Variants in OR5H6 observed in about 807,000 individuals in gnomAD.
The protein encoded by OR5H6 is olfactory receptor family 5 subfamily H member 6.
For missense variants in OR5H6, 429 were observed against 358.1 expected (o/e 1.20, Z -1.60); for synonymous variants, 151 against 127.7 (o/e 1.18, Z -1.23).
chr3:98,264,445 C>A lies in OR5H6; in HGVS notation c.113C>A (p.Thr38Asn). ...FLAFLVIYLI[T>N]IMGNLGLIVL... ...GCATTCTTGGTAATATATCTCATCA[C>A]CATCATGGGGAATCTTGGTCTAATT... Residue 38 changes from threonine (T) to asparagine (N), a missense_variant, in exon 1 of 1, where the codon ACC (threonine) becomes AAC (asparagine). Coordinates refer to ENST00000615035, the MANE Select transcript of OR5H6 (RefSeq NM_001005479.2). 6.2e-7 allele frequency: 1 copy of A among 1,612,380 alleles called. No individual in the cohort carries two copies. Among genetic ancestry groups the A allele is most frequent in the South Asian group, 1.1e-5 (1 of 91,030 alleles).
rs146933915 is a variant in OR5H6, at chr3:98,265,070, A to T, written c.738A>T (p.Leu246Phe). 1.0e-4 allele frequency: 165 copies of T among 1,612,794 alleles called. No homozygotes were observed. The African/African-American group carries it at 2.1e-3, about 21-fold the overall frequency. Residue 246 changes from leucine to phenylalanine, a missense_variant, in exon 1 of 1, where the codon TTA (leucine) becomes TTT (phenylalanine). Coordinates refer to ENST00000615035, the MANE Select transcript of OR5H6 (RefSeq NM_001005479.2). ...KAVSTCGAHLLSVSLYYGPLT... is the reference protein window; with the variant it reads ...KAVSTCGAHLFSVSLYYGPLT... ...TCTCCACCTGTGGGGCTCATCTCTT[A>T]TCTGTATCTTTATACTATGGCCCCC...
rs1705854144 is a variant in OR5H6, at chr3:98,264,593, T to C, written c.261T>C (p.Ala87=). The part of the protein sequence containing the change: ...VTPKMLINFL[A]KSKMISLSEC... Reference sequence around the variant, plus strand: ...CGAAGATGCTGATCAACTTCTTAGCTAAGAGTAAGATGATATCTCTCTCTG... The same window carrying C: ...CGAAGATGCTGATCAACTTCTTAGCCAAGAGTAAGATGATATCTCTCTCTG... The change falls in exon 1 of 1, where the codon GCT becomes GCC. Residue 87 remains alanine (A), a synonymous_variant. Coordinates refer to ENST00000615035, the MANE Select transcript of OR5H6 (RefSeq NM_001005479.2). 6.2e-7 allele frequency: 1 copy of C among 1,612,578 alleles called. No homozygotes were observed. Among genetic ancestry groups the C allele is most frequent in the Non-Finnish European group, 8.5e-7 (1 of 1,178,816 alleles).
At position 98,264,777 on chromosome 3, in the gene OR5H6, T is replaced by C; in HGVS notation, c.445T>C (p.Phe149Leu). Residue 149 changes from phenylalanine to leucine, a missense_variant, in exon 1 of 1, where the codon TTT becomes CTT. Physicochemically the swap from Phe to Leu is conservative, Grantham distance 22 (BLOSUM62 0). Coordinates refer to ENST00000615035, the MANE Select transcript of OR5H6 (RefSeq NM_001005479.2). ...ELCIQLLVLSFIGGLLHALIH... is the reference protein window; with the variant it reads ...ELCIQLLVLSLIGGLLHALIH... ...ATGCATTCAGCTATTAGTCTTGTCA[T>C]TTATAGGTGGCCTTCTTCATGCTTT... 6.2e-7 allele frequency: 1 copy of C among 1,612,842 alleles called. No homozygotes were observed. Among genetic ancestry groups the C allele is most frequent in the Non-Finnish European group, 8.5e-7 (1 of 1,179,300 alleles).
chr3:98,264,281 G>A lies in OR5H6; in HGVS notation c.-52G>A. On this transcript the variant is annotated 5_prime_UTR_variant, in exon 1 of 1. Coordinates refer to ENST00000615035, the MANE Select transcript of OR5H6 (RefSeq NM_001005479.2). The stretch of plus-strand genomic sequence containing the variant: ...CCCAATTTCAACTCACAATTCCATT[G>A]CAAATGTTCCTTTACCTTTGCTTCA... The A allele has an allele frequency of 6.2e-7, 1 of 1,603,160 alleles. No individual in the cohort carries two copies. The highest frequency in any genetic ancestry group is 8.5e-7 in the Non-Finnish European group (1 of 1,174,028).
Position 98,264,499 on chromosome 3 carries a change from A to C in OR5H6, c.167A>C (p.His56Pro), listed in dbSNP as rs778286344. ...CTCATCTGGAAAGACCCTCACCTTC[A>C]TATCCCAATGTACTTATTCCTTGGG... ...IVLIWKDPHL[H>P]IPMYLFLGSL... Residue 56 changes from histidine (H) to proline (P), a missense_variant, in exon 1 of 1, where the codon CAT (histidine) becomes CCT (proline). His to Pro is a moderately conservative substitution (Grantham distance 77). Coordinates refer to ENST00000615035, the MANE Select transcript of OR5H6 (RefSeq NM_001005479.2). 1 of 1,612,756 alleles carries C rather than the reference A, an allele frequency of 6.2e-7. No individual in the cohort carries two copies. The highest frequency in any genetic ancestry group is 8.5e-7 in the Non-Finnish European group (1 of 1,178,936).
chr3:98,265,112 G>A lies in OR5H6; in HGVS notation c.780G>A (p.Leu260=), dbSNP rs748325053. The change falls in exon 1 of 1, where the codon CTG becomes CTA. Residue 260 remains leucine, a synonymous_variant. Coordinates refer to ENST00000615035, the MANE Select transcript of OR5H6 (RefSeq NM_001005479.2). The stretch of plus-strand genomic sequence containing the variant: ...ATGGCCCCCTCACCTTCAAATATCT[G>A]GGCTCTGCATCTCCGCAAGCAGATG... ...LYYGPLTFKY[L]GSASPQADDQ... is the part of the protein sequence containing the mutation. 6.2e-7 allele frequency: 1 copy of A among 1,612,928 alleles called. No homozygotes were observed. The highest frequency in any genetic ancestry group is 8.5e-7 in the Non-Finnish European group (1 of 1,179,420).
chr3:98,265,018 A>G lies in OR5H6; in HGVS notation c.686A>G (p.Lys229Arg), dbSNP rs1337021039. ...TIILFTILEKKSIKGIRKAVS... is the reference protein window; with the variant it reads ...TIILFTILEKRSIKGIRKAVS... ...ATCCTCTTTACAATCTTAGAAAAGA[A>G]GTCTATCAAAGGGATACGAAAAGCT... Residue 229 changes from lysine to arginine, a missense_variant, in exon 1 of 1, where the codon AAG (lysine) becomes AGG (arginine). By Grantham distance (26) the Lys-to-Arg change is conservative. Transcript: ENST00000615035. The G allele has an allele frequency of 1.2e-6, 2 of 1,612,890 alleles. No homozygotes were observed. The highest frequency in any genetic ancestry group is 4.5e-5 in the East Asian group (2 of 44,854).
chr3:98,265,308 T>C lies in OR5H6; in HGVS notation c.*46T>C. ...TCTATTTACTAAAATTGTCCCAAGA[T>C]TGTGCAAGTTAGAGGTGTCTATGTC... On this transcript the variant is annotated 3_prime_UTR_variant, in exon 1 of 1. Transcript: ENST00000615035. The C allele has an allele frequency of 1.3e-6, 2 of 1,522,464 alleles. No homozygotes were observed. Among genetic ancestry groups the C allele is most frequent in the Non-Finnish European group, 1.8e-6 (2 of 1,138,872 alleles). 94.3% of individuals were successfully genotyped at this position (1,522,464 alleles called of 1,614,324 possible).
rs780591143 is a variant in OR5H6 at position 98,264,353 on chromosome 3, A to C, written c.21A>C (p.Thr7=). The change falls in exon 1 of 1, where the codon ACA becomes ACC. Residue 7 remains threonine (T), a synonymous_variant. Coordinates refer to ENST00000615035, the MANE Select transcript of OR5H6 (RefSeq NM_001005479.2). ...AGGAGATGGAAGAGGAAAATGCAAC[A>C]TTGCTGACAGAGTTTGTTCTCACAG... is the stretch of plus-strand genomic sequence containing the variant. MEEENA[T]LLTEFVLTGF... is the part of the protein sequence containing the mutation. 4 of 1,613,158 alleles carry C rather than the reference A, an allele frequency of 2.5e-6. No individual in the cohort carries two copies. In the East Asian group the frequency reaches 8.9e-5, roughly 36 times the overall value.
In OR5H6 at chr3:98,265,284, C is replaced by T; in HGVS notation, c.*22C>T. 6.5e-7 allele frequency: 1 copy of T among 1,535,214 alleles called. No individual in the cohort carries two copies. On this transcript the variant is annotated 3_prime_UTR_variant, in exon 1 of 1. Transcript: ENST00000615035. Reference sequence around the variant, plus strand: ...TTAGATCTCATACAATCTCTCTTCTCTATTTACTAAAATTGTCCCAAGATT... The same window carrying T: ...TTAGATCTCATACAATCTCTCTTCTTTATTTACTAAAATTGTCCCAAGATT...
In OR5H6 at chr3:98,264,656, A is replaced by G. The variant is rs769362602; in HGVS notation, c.324A>G (p.Val108=). ...AATTTTTTTCCCTTGTAACCACTGT[A>G]ACCACAGAATGTTTTCTCTTGGCAA... ...MVQFFSLVTT[V]TTECFLLATM... The change falls in exon 1 of 1, where the codon GTA becomes GTG. Residue 108 remains valine (V), a synonymous_variant. Coordinates refer to ENST00000615035, the MANE Select transcript of OR5H6 (RefSeq NM_001005479.2). The G allele has an allele frequency of 2.4e-5, 39 of 1,607,138 alleles. No individual in the cohort carries two copies. The African/African-American group carries it at 4.8e-4, about 20-fold the overall frequency.
In OR5H6 at chr3:98,264,603, A is replaced by G. The variant is rs1705854351; in HGVS notation, c.271A>G (p.Met91Val). The G allele has an allele frequency of 1.2e-6, 2 of 1,612,516 alleles. No homozygotes were observed. Among genetic ancestry groups the G allele is most frequent in the Admixed American group, 1.7e-5 (1 of 59,898 alleles). Residue 91 changes from methionine to valine, a missense_variant, in exon 1 of 1, where the codon ATG becomes GTG. Transcript: ENST00000615035. Reference sequence around the variant, plus strand: ...GATCAACTTCTTAGCTAAGAGTAAGATGATATCTCTCTCTGAATGCATGGT... The same window carrying G: ...GATCAACTTCTTAGCTAAGAGTAAGGTGATATCTCTCTCTGAATGCATGGT... ...MLINFLAKSK[M>V]ISLSECMVQF...
chr3:98,265,351 T>C lies in OR5H6; in HGVS notation c.*89T>C. 1 of 1,368,046 alleles carries C rather than the reference T, an allele frequency of 7.3e-7. No individual in the cohort carries two copies. The highest frequency in any genetic ancestry group is 9.9e-7 in the Non-Finnish European group (1 of 1,012,076). The allele number at this position is 1,368,046 out of a possible 1,614,324, so 84.7% of individuals were successfully genotyped here. On this transcript the variant is annotated 3_prime_UTR_variant, in exon 1 of 1. Transcript: ENST00000615035. ...TCTATGTCTTGCCAGCATTCAAAGA[T>C]GATGCAAAGTCCTAGCACTTTAATG...
rs1427509855 is a variant in OR5H6 at position 98,265,158 on chromosome 3, C to A, written c.826C>A (p.Leu276Ile). 3.7e-6 allele frequency: 6 copies of A among 1,613,040 alleles called. No individual in the cohort carries two copies. The Admixed American group carries it at 5.0e-5, about 13-fold the overall frequency. ...QADDQDMMESLFYTVIVPLLN... is the reference protein window; with the variant it reads ...QADDQDMMESIFYTVIVPLLN... ...AGATGACCAAGATATGATGGAGTCT[C>A]TATTTTACACTGTCATAGTTCCTTT... Residue 276 changes from leucine to isoleucine, a missense_variant, in exon 1 of 1, where the codon CTA becomes ATA. By Grantham distance (5) the Leu-to-Ile change is conservative. Transcript: ENST00000615035.
In OR5H6 at chr3:98,265,249, A is replaced by G; in HGVS notation, c.917A>G (p.Lys306Arg). 1 of 1,583,400 alleles carries G rather than the reference A, an allele frequency of 6.3e-7. No individual in the cohort carries two copies. The highest frequency in any genetic ancestry group is 8.6e-7 in the Non-Finnish European group (1 of 1,167,490). ...QVIASFTKMFKSNV is the reference protein window; with the variant it reads ...QVIASFTKMFRSNV ...ATAGCTTCATTCACAAAAATGTTCAAAAGCAATGTTTAGATCTCATACAAT... is the reference window on the plus strand; with the variant it reads ...ATAGCTTCATTCACAAAAATGTTCAGAAGCAATGTTTAGATCTCATACAAT... The change falls in exon 1 of 1, where the codon AAA becomes AGA. Residue 306 changes from lysine (K) to arginine (R), a missense_variant. By Grantham distance (26) the Lys-to-Arg change is conservative. Coordinates refer to ENST00000615035, the MANE Select transcript of OR5H6 (RefSeq NM_001005479.2).
chr3:98,265,142 A>G lies in OR5H6; in HGVS notation c.810A>G (p.Gln270=), dbSNP rs1476768254. ...LGSASPQADD[Q]DMMESLFYTV... is the part of the protein sequence containing the mutation. ...CTGCATCTCCGCAAGCAGATGACCA[A>G]GATATGATGGAGTCTCTATTTTACA... The change falls in exon 1 of 1, where the codon CAA becomes CAG. Residue 270 remains glutamine (Q), a synonymous_variant. Transcript: ENST00000615035. The G allele has an allele frequency of 6.2e-7, 1 of 1,613,282 alleles. No homozygotes were observed. The highest frequency in any genetic ancestry group is 1.1e-5 in the South Asian group (1 of 91,044).
chr3:98,264,664 A>T lies in OR5H6; in HGVS notation c.332A>T (p.Glu111Val). ...FFSLVTTVTT[E>V]CFLLATMAYD... Reference sequence around the variant, plus strand: ...TCCCTTGTAACCACTGTAACCACAGAATGTTTTCTCTTGGCAACAATGGCA... The same window carrying T: ...TCCCTTGTAACCACTGTAACCACAGTATGTTTTCTCTTGGCAACAATGGCA... The change falls in exon 1 of 1, where the codon GAA (glutamate) becomes GTA (valine). Residue 111 changes from glutamate to valine, a missense_variant. Glu to Val is a moderately radical substitution (Grantham distance 121). Transcript: ENST00000615035. 6.2e-7 allele frequency: 1 copy of T among 1,612,830 alleles called. No individual in the cohort carries two copies. Among genetic ancestry groups the T allele is most frequent in the Non-Finnish European group, 8.5e-7 (1 of 1,179,102 alleles).
Position 98,265,180 on chromosome 3 carries a change from C to G in OR5H6, c.848C>G (p.Pro283Arg). Reference sequence around the variant, plus strand: ...TCTCTATTTTACACTGTCATAGTTCCTTTATTAAATCCCATGATCTACAGC... The same window carrying G: ...TCTCTATTTTACACTGTCATAGTTCGTTTATTAAATCCCATGATCTACAGC... The part of the protein sequence containing the change: ...MESLFYTVIV[P>R]LLNPMIYSLR... Residue 283 changes from proline to arginine, a missense_variant, in exon 1 of 1, where the codon CCT becomes CGT. Coordinates refer to ENST00000615035, the MANE Select transcript of OR5H6 (RefSeq NM_001005479.2). 4 of 1,611,188 alleles carry G rather than the reference C, an allele frequency of 2.5e-6. No homozygotes were observed. Among genetic ancestry groups the G allele is most frequent in the Middle Eastern group, 1.7e-4 (1 of 6,050 alleles).
Position 98,264,706 on chromosome 3 carries a change from C to A in OR5H6, c.374C>A (p.Ala125Asp). The change falls in exon 1 of 1, where the codon GCC becomes GAC. Residue 125 changes from alanine (A) to aspartate (D), a missense_variant. Coordinates refer to ENST00000615035, the MANE Select transcript of OR5H6 (RefSeq NM_001005479.2). ...LATMAYDRYVAICKALLYPVI... is the reference protein window; with the variant it reads ...LATMAYDRYVDICKALLYPVI... ...ACAATGGCATATGATCGCTATGTAG[C>A]CATTTGCAAAGCTTTACTTTATCCA... 2 of 1,613,114 alleles carry A rather than the reference C, an allele frequency of 1.2e-6. No homozygotes were observed. Among genetic ancestry groups the A allele is most frequent in the Non-Finnish European group, 1.7e-6 (2 of 1,179,220 alleles).
Sources: allele counts gnomAD v4.1 joint callset, GRCh38; gene constraint gnomAD v4.1.1; transcripts MANE v1.5; gene names NCBI Gene and HGNC (gene_info 2026-07-23, HGNC 2026-07-21).